Variants in NKAIN2 observed in about 807,000 individuals in gnomAD.
NKAIN2 encodes sodium/potassium transporting ATPase interacting 2.
Under a neutral mutation model 32.6 loss-of-function variants are expected in NKAIN2, and 14 were observed. The observed-to-expected ratio is 0.43, with a 90% CI of 0.28 to 0.67. NKAIN2 has a LOEUF of 0.67. NKAIN2 is among the 30% of genes least tolerant of loss of function. The probability of loss-of-function intolerance (pLI) is 0.17; values close to 1 mark genes in which losing one functional copy is unlikely to be tolerated. For missense variants in NKAIN2, 198 were observed against 258.3 expected (o/e 0.77, Z 1.60); for synonymous variants, 80 against 87.2 (o/e 0.92, Z 0.46).
intron 1 of NKAIN2, among the ~76,000 whole-genome samples, chr6:124,101,156 T>C (rs1479716597): frequency 6.6e-6 from 1 of 152,178 alleles, no homozygotes; most frequent in Non-Finnish European, 1.5e-5. Flanking sequence ...GACTGGTCTA[T>C]TAAGATCAGT....
intron 4 of NKAIN2, among the ~76,000 whole-genome samples, chr6:124,745,344 T>A (rs1357025265): frequency 1.3e-5 from 2 of 151,874 alleles, no homozygotes; most frequent in Non-Finnish European, 2.9e-5. Flanking sequence ...CCTAGTGGGA[T>A]TTTAATGTTC....
intron 4 of NKAIN2, among the ~76,000 whole-genome samples, chr6:124,727,612 T>C (rs868616331): frequency 2.6e-5 from 4 of 151,410 alleles, no homozygotes; most frequent in South Asian, 2.1e-4. Context: ...CATGCCAAAA[T>C]GTAAAGACCA....
intron 5 of NKAIN2, among the ~76,000 whole-genome samples, chr6:124,801,784 T>C (rs2114833022): frequency 6.6e-6 from 1 of 152,312 alleles, no homozygotes; most frequent in South Asian, 2.1e-4. Context: ...GGAAAGAAAT[T>C]CTTCCCCGAA....
At chr6:124,342,981 CT>C (rs1323962893) in intron 2 of NKAIN2, among the ~76,000 whole-genome samples, 5 of 111,860 alleles carry the variant, frequency 4.5e-5, no homozygotes, top group Non-Finnish European at 8.7e-5. Context: ...TCCCTTCCCC[CT>C]CCCCCCACCC....
At chr6:123,819,318 T>G (rs1400703750) in intron 1 of NKAIN2, among the ~76,000 whole-genome samples, 1 of 152,070 alleles carries the variant, frequency 6.6e-6, no homozygotes, top group Non-Finnish European at 1.5e-5. Context: ...CAATGGAAGT[T>G]TAGGTGGGCC....
chr6:124,449,510 A>G (rs1049239904), intron 3 of NKAIN2, among the ~76,000 whole-genome samples: 1 of 152,140 alleles, frequency 6.6e-6, no homozygotes, highest in Non-Finnish European at 1.5e-5. Flanking sequence ...TGAAAGGTCA[A>G]CAGGCTATCT....
intron 1 of NKAIN2, among the ~76,000 whole-genome samples, chr6:123,833,188 T>A (rs1472183232): frequency 1.3e-5 from 2 of 152,204 alleles, no homozygotes; most frequent in Non-Finnish European, 2.9e-5. Context: ...GTTCTACCAT[T>A]TGTAGAAAAG....
intron 3 of NKAIN2, among the ~76,000 whole-genome samples, chr6:124,632,128 A>T (rs1442475319): frequency 6.6e-6 from 1 of 152,168 alleles, no homozygotes; most frequent in Admixed American, 6.5e-5. Flanking sequence ...AATAGTGTAA[A>T]TTCAGATAGC....
At chr6:124,348,054 G>C (rs1428593886) in intron 2 of NKAIN2, among the ~76,000 whole-genome samples, 1 of 152,184 alleles carries the variant, frequency 6.6e-6, no homozygotes, top group African/African-American at 2.4e-5. Flanking sequence ...CCTTCTAACA[G>C]ACAGGACCCT....
intron 1 of NKAIN2, among the ~76,000 whole-genome samples, chr6:124,131,946 A>C (rs1786501893): frequency 6.6e-6 from 1 of 152,182 alleles, no homozygotes; most frequent in Non-Finnish European, 1.5e-5. Flanking sequence ...CATTGTGAGC[A>C]GATGGGGAGG....
At chr6:123,830,228 T>G (rs918644547) in intron 1 of NKAIN2, among the ~76,000 whole-genome samples, 27 of 152,158 alleles carry the variant, frequency 1.8e-4, no homozygotes, top group African/African-American at 6.3e-4. Context: ...CACTTCCACA[T>G]GTCCTCTGGC....
intron 3 of NKAIN2, among the ~76,000 whole-genome samples, chr6:124,480,060 C>T (rs1478422397): frequency 6.6e-6 from 1 of 152,196 alleles, no homozygotes; most frequent in Admixed American, 6.5e-5. Context: ...ATTTTAGATG[C>T]AGTTCAGGTT....
intron 3 of NKAIN2, among the ~76,000 whole-genome samples, chr6:124,467,091 A>T (rs1165743765): frequency 2.6e-5 from 4 of 152,110 alleles, no homozygotes; most frequent in Non-Finnish European, 4.4e-5. Flanking sequence ...CACTATTATA[A>T]CAGCAATACT....
At chr6:124,446,398 A>G (rs558194188) in intron 3 of NKAIN2, among the ~76,000 whole-genome samples, 19 of 152,256 alleles carry the variant, frequency 1.2e-4, no homozygotes, top group African/African-American at 3.4e-4. Flanking sequence ...GCTGGAGTGC[A>G]GTGACGTGAT....
intron 1 of NKAIN2, among the ~76,000 whole-genome samples, chr6:123,851,926 A>T (rs906826681): frequency 2.0e-5 from 3 of 151,402 alleles, no homozygotes; most frequent in African/African-American, 4.8e-5. Flanking sequence ...TTTTATTTTT[A>T]TTTTTTTTGC....
intron 1 of NKAIN2, among the ~76,000 whole-genome samples, chr6:123,896,867 C>T (rs926779988): frequency 2.6e-5 from 4 of 152,024 alleles, no homozygotes; most frequent in East Asian, 3.9e-4. Context: ...TTTCATATAC[C>T]GTGAAACACT....
rs1778886461 is a variant in NKAIN2 at position 124,515,713 on chromosome 6, C to T, written c.274-142473C>T. ...CCTACTTCATTTTTCTTCGCTTTCTCTCCGTCTCGCTCTGTCGCCCAGGCT... is the reference window on the plus strand; with the variant it reads ...CCTACTTCATTTTTCTTCGCTTTCTTTCCGTCTCGCTCTGTCGCCCAGGCT... On this transcript the variant is annotated intron_variant, in intron 3 of 6. Transcript: ENST00000368417. Among the ~76,000 whole-genome samples the T allele has an allele frequency of 5.9e-5, 4 of 67,802 alleles. 2 individuals are homozygous for T. Among genetic ancestry groups the T allele is most frequent in the Non-Finnish European group, 1.4e-4 (4 of 29,628 alleles). 44.5% of individuals were successfully genotyped at this position (67,802 alleles called of 152,430 possible).
intron 1 of NKAIN2, among the ~76,000 whole-genome samples, chr6:124,028,879 A>T (rs12191064): frequency 0.18 from 7,536 of 41,668 alleles, 736 homozygotes; most frequent in African/African-American, 0.38. Flanking sequence ...ATATATGTAT[A>T]TATATGTGTA....
At chr6:123,990,745 A>C (rs565443129) in intron 1 of NKAIN2, among the ~76,000 whole-genome samples, 2 of 152,160 alleles carry the variant, frequency 1.3e-5, no homozygotes, top group Non-Finnish European at 2.9e-5. Flanking sequence ...ATTTACCCCC[A>C]TTGTTGATAC....
Sources: gnomAD v4.1 joint callset for allele counts (sites outside exome capture counted in the v4.1 genomes callset) on GRCh38, gnomAD v4.1.1 for gene constraint, MANE v1.5 for transcripts, NCBI Gene and HGNC (gene_info 2026-07-23, HGNC 2026-07-21) for gene names.